PKM: variants seen among roughly 807,000 people sequenced by gnomAD.
PKM encodes pyruvate kinase M1/2, also known as pyruvate kinase PKM.
PKM carries 18 observed loss-of-function variants against 49.8 expected under a neutral mutation model. That is an observed-to-expected ratio of 0.36 (90% CI 0.25 to 0.54). The LOEUF is 0.54. PKM is among the 20% of genes least tolerant of loss of function. PKM has a pLI of 0.89. For missense variants in PKM, 508 were observed against 713.8 expected (o/e 0.71, Z 3.28); for synonymous variants, 239 against 261.8 (o/e 0.91, Z 0.84).
chr15:72,224,414 A>T (rs2082605923), intron 1 of PKM, among the ~76,000 whole-genome samples: 1 of 152,160 alleles, frequency 6.6e-6, no homozygotes, highest in African/African-American at 2.4e-5. Context: ...TCGGGGGGAT[A>T]AAGGAGGAAA....
Position 72,200,454 on chromosome 15 carries a change from C to G in PKM, c.1489+20G>C, listed in dbSNP as rs2081914350. On this transcript the variant is annotated intron_variant, in intron 10 of 10. Transcript: ENST00000335181. The surrounding 1 kb of genome is among the most constrained non-coding windows in gnomAD (Gnocchi z 4.6). ...ATCCCCAAGCTCCTCTAGGCTCTAG[C>G]CCCTGCTCCAGCCACGTACCAACAT... The G allele has an allele frequency of 3.7e-6, 6 of 1,611,238 alleles. No homozygotes were observed. Among genetic ancestry groups the G allele is most frequent in the Non-Finnish European group, 5.1e-6 (6 of 1,178,960 alleles).
intron 1 of PKM, among the ~76,000 whole-genome samples, chr15:72,225,540 G>T (rs2082645083): frequency 1.3e-5 from 2 of 152,114 alleles, no homozygotes; most frequent in African/African-American, 4.8e-5. Context: ...CCAGTTCACT[G>T]AAGTCTATGT....
intron 1 of PKM, among the ~76,000 whole-genome samples, chr15:72,225,035 C>A (rs2082629075): frequency 6.7e-6 from 1 of 148,912 alleles, no homozygotes; most frequent in African/African-American, 2.5e-5. Context: ...CATTCTCCTG[C>A]CTCAGCCTCC....
intron 1 of PKM, among the ~76,000 whole-genome samples, chr15:72,224,381 G>A (rs2082605001): frequency 6.6e-6 from 1 of 152,122 alleles, no homozygotes; most frequent in Admixed American, 6.5e-5. Flanking sequence ...AACATTTACT[G>A]GAAGGGCTGC....
intron 1 of PKM, among the ~76,000 whole-genome samples, chr15:72,221,562 A>G (rs1192413169): frequency 2.2e-5 from 3 of 136,318 alleles, no homozygotes; most frequent in African/African-American, 8.4e-5. Context: ...TGGTAGGATT[A>G]CAGAAAAAAA....
At chr15:72,217,751 G>T (rs890517998) in intron 2 of PKM, among the ~76,000 whole-genome samples, 2 of 152,126 alleles carry the variant, frequency 1.3e-5, no homozygotes, top group African/African-American at 4.8e-5. Flanking sequence ...TTAAGACTTG[G>T]CCAGCCTTCT....
At chr15:72,218,732 A>C in intron 2 of PKM, among the ~76,000 whole-genome samples, 1 of 152,074 alleles carries the variant, frequency 6.6e-6, no homozygotes, top group South Asian at 2.1e-4. Context: ...GCAATTTTGA[A>C]ATGTCTAATA....
chr15:72,208,656 A>T lies in PKM; in HGVS notation c.801T>A (p.Ile267=). The T allele has an allele frequency of 6.2e-7, 1 of 1,614,010 alleles. No homozygotes were observed. The highest frequency in any genetic ancestry group is 8.5e-7 in the Non-Finnish European group (1 of 1,180,006). ...VLGEKGKNIK[I]ISKIENHEGV... ...CCTCATGATTCTCGATTTTGCTGAT[A>T]ATCTTGATGTTCTTTCCCTTCTCTC... The change falls in exon 6 of 11, where the codon ATT becomes ATA. Residue 267 remains isoleucine (I), a synonymous_variant. Coordinates refer to ENST00000335181, the MANE Select transcript of PKM (RefSeq NM_002654.6).
At chr15:72,212,484 GA>G (rs56161510) in intron 3 of PKM, among the ~76,000 whole-genome samples, 171 of 132,948 alleles carry the variant, frequency 1.3e-3, no homozygotes, top group African/African-American at 2.1e-3. Context: ...GTCTCTAAAA[GA>G]AAAAAAAAAA....
At chr15:72,210,101 T>A (rs2082210833) in intron 4 of PKM, 1 of 624,242 alleles carries the variant, frequency 1.6e-6, no homozygotes. Context: ...GTTCTCCAAG[T>A]TAGAAAGCCT....
At chr15:72,216,243 G>T (rs960236593) in intron 3 of PKM, among the ~76,000 whole-genome samples, 9 of 152,192 alleles carry the variant, frequency 5.9e-5, no homozygotes, top group Non-Finnish European at 1.0e-4. Flanking sequence ...GCCAAGACAG[G>T]TGCAAAGTTT....
chr15:72,203,233 A>C, intron 8 of PKM: 1 of 1,568,532 alleles, frequency 6.4e-7, no homozygotes, highest in Non-Finnish European at 8.8e-7. Context: ...GGGAAGGAGG[A>C]GGAAAAAAAC....
At chr15:72,213,337 G>A (rs1298065713) in intron 3 of PKM, among the ~76,000 whole-genome samples, 1 of 152,206 alleles carries the variant, frequency 6.6e-6, no homozygotes, top group African/African-American at 2.4e-5. Flanking sequence ...ACAGTGGGAA[G>A]ATTTCTATAT....
At position 72,202,671 on chromosome 15, in the gene PKM, C is replaced by G. The variant is rs377751253; in HGVS notation, c.1141-51G>C. The G allele has an allele frequency of 9.9e-6, 15 of 1,519,528 alleles. No individual in the cohort carries two copies. Among genetic ancestry groups the G allele is most frequent in the Non-Finnish European group, 1.4e-5 (15 of 1,104,864 alleles). The allele number at this position is 1,519,528 out of a possible 1,614,324, so 94.1% of individuals were successfully genotyped here. ...GGACGAGAGGGGGACAGAGCTTTGT[C>G]AGAGCTTTGTCACAAAAGGAGAGGG... On this transcript the variant is annotated intron_variant, in intron 8 of 10. Coordinates refer to ENST00000335181, the MANE Select transcript of PKM (RefSeq NM_002654.6). The surrounding 1 kb of genome is among the most constrained non-coding windows in gnomAD (Gnocchi z 4.5).
At chr15:72,228,395 T>TTTTG in intron 1 of PKM, among the ~76,000 whole-genome samples, 1 of 150,014 alleles carries the variant, frequency 6.7e-6, no homozygotes, top group Non-Finnish European at 1.5e-5. Context: ...TTTTTTTTTT[T>TTTTG]GAGAAGGAGT....
Position 72,202,142 on chromosome 15 carries a change from A to G in PKM, c.1307+312T>C. On this transcript the variant is annotated intron_variant, in intron 9 of 10. Transcript: ENST00000335181. This position sits in a 1 kb window ranked among gnomAD's most constrained non-coding sequence, Gnocchi z 4.5. Reference sequence around the variant, plus strand: ...TAAGCAAAAGTGGTTATCTTTTACAATTTTAGAGGACTAAATTTTCAATAT... The same window carrying G: ...TAAGCAAAAGTGGTTATCTTTTACAGTTTTAGAGGACTAAATTTTCAATAT... 2.4e-6 allele frequency: 1 copy of G among 412,518 alleles called. No homozygotes were observed. Among genetic ancestry groups the G allele is most frequent in the African/African-American group, 2.0e-5 (1 of 49,922 alleles). 25.6% of individuals were successfully genotyped at this position (412,518 alleles called of 1,614,324 possible).
intron 1 of PKM, among the ~76,000 whole-genome samples, chr15:72,227,730 G>A (rs1235155483): frequency 6.3e-5 from 3 of 47,284 alleles, no homozygotes; most frequent in Non-Finnish European, 1.2e-4. Context: ...TGGGCAACAA[G>A]AGCAAAACTA....
intron 1 of PKM, among the ~76,000 whole-genome samples, chr15:72,229,183 T>G (rs904735408): frequency 6.6e-6 from 1 of 152,236 alleles, no homozygotes; most frequent in Admixed American, 6.5e-5. Context: ...TTATGCTCAA[T>G]TGTGGACTAA....
chr15:72,228,376 C>CTTTTTT (rs10656443), intron 1 of PKM, among the ~76,000 whole-genome samples: 4 of 118,840 alleles, frequency 3.4e-5, no homozygotes, highest in East Asian at 2.5e-4. Context: ...TTAGTTGTGG[C>CTTTTTT]TTTTTTTTTT....
Sources: allele counts gnomAD v4.1 joint callset (sites outside exome capture counted in the v4.1 genomes callset), GRCh38; gene constraint gnomAD v4.1.1; non-coding constraint Gnocchi (gnomAD v3.1); transcripts MANE v1.5; gene names NCBI Gene and HGNC (gene_info 2026-07-23, HGNC 2026-07-21).